Variants in TEAD1 observed in about 807,000 individuals in gnomAD.
TEAD1 encodes TEA domain transcription factor 1.
In TEAD1, 9 loss-of-function variants were observed where a neutral mutation model predicts 54.9. That is an observed-to-expected ratio of 0.16 (90% CI 0.10 to 0.29). The LOEUF (loss-of-function observed/expected upper bound fraction) is 0.29, where lower values mean the gene tolerates loss of function less well. Among genes scored for constraint, TEAD1 ranks in the 10% least tolerant of loss-of-function variants. TEAD1 has a pLI of 1.00. For synonymous variants in TEAD1, 200 were observed against 187.8 expected (o/e 1.07, Z -0.53); for missense variants, 387 against 535.9 (o/e 0.72, Z 2.74).
At chr11:12,906,609 G>C (rs1948527061) in intron 10 of TEAD1, among the ~76,000 whole-genome samples, 1 of 151,900 alleles carries the variant, frequency 6.6e-6, no homozygotes, top group South Asian at 2.1e-4. Context: ...TTACAGAGTT[G>C]CATAATCATA....
At chr11:12,778,918 C>T (rs1945488127) in intron 3 of TEAD1, among the ~76,000 whole-genome samples, 1 of 152,104 alleles carries the variant, frequency 6.6e-6, no homozygotes, top group Admixed American at 6.5e-5. Flanking sequence ...TTGCAAGACC[C>T]CACTCCCCTG....
intron 10 of TEAD1, 25 bp downstream of exon 10, chr11:12,902,138 C>T (rs777545902): frequency 2.5e-6 from 4 of 1,614,058 alleles, no homozygotes; most frequent in Non-Finnish European, 3.4e-6. Context: ...GCTGTGATTT[C>T]CGTGGTTTTT....
intron 3 of TEAD1, among the ~76,000 whole-genome samples, chr11:12,809,974 CTTTTTTTTTTT>C (rs55647097): frequency 2.2e-4 from 25 of 115,624 alleles, no homozygotes; most frequent in Admixed American, 3.7e-4. Context: ...TTTCCCCATT[CTTTTTTTTTTT>C]TTTTTTTTTT....
At chr11:12,907,394 G>T (rs1474664607) in intron 10 of TEAD1, among the ~76,000 whole-genome samples, 4 of 152,232 alleles carry the variant, frequency 2.6e-5, no homozygotes, top group African/African-American at 9.6e-5. Context: ...TCAGTCAACA[G>T]AGTAATGGGA....
chr11:12,720,695 A>T (rs1449394080), intron 2 of TEAD1, among the ~76,000 whole-genome samples: 1 of 152,226 alleles, frequency 6.6e-6, no homozygotes, highest in Non-Finnish European at 1.5e-5. Flanking sequence ...AATTGTAACC[A>T]GCAGAGCTCT....
chr11:12,864,983 C>A, intron 5 of TEAD1, 83 bp downstream of exon 5: 1 of 1,472,626 alleles, frequency 6.8e-7, no homozygotes, highest in Non-Finnish European at 9.5e-7. Flanking sequence ...ATGCCTGGTG[C>A]TGGGATTCTC....
intron 2 of TEAD1, among the ~76,000 whole-genome samples, chr11:12,700,802 A>G (rs1291973698): frequency 1.3e-5 from 2 of 152,202 alleles, no homozygotes; most frequent in African/African-American, 4.8e-5. Flanking sequence ...CCTTTAATGC[A>G]TCTGGTGCCA....
At chr11:12,807,085 C>T (rs528513775) in intron 3 of TEAD1, among the ~76,000 whole-genome samples, 79 of 152,314 alleles carry the variant, frequency 5.2e-4, no homozygotes, top group Non-Finnish European at 9.1e-4. Context: ...ACAGCACAGA[C>T]AAATATCTTA....
chr11:12,910,747 C>CTTTTTTTTTTTTTTTTT (rs5789752), intron 10 of TEAD1, among the ~76,000 whole-genome samples: 5 of 119,922 alleles, frequency 4.2e-5, no homozygotes, highest in African/African-American at 9.6e-5. Context: ...ACTTAATTTG[C>CTTTTTTTTTTTTTTTTT]TTTTTTTTTT....
At chr11:12,833,476 C>G (rs988946448) in intron 3 of TEAD1, among the ~76,000 whole-genome samples, 1 of 152,096 alleles carries the variant, frequency 6.6e-6, no homozygotes, top group Non-Finnish European at 1.5e-5. Flanking sequence ...AAAAGGAGAA[C>G]TATAAGTAGC....
At chr11:12,787,346 T>C (rs776878049) in intron 3 of TEAD1, among the ~76,000 whole-genome samples, 2 of 152,252 alleles carry the variant, frequency 1.3e-5, no homozygotes, top group Non-Finnish European at 2.9e-5. Flanking sequence ...GTTGCAGTTA[T>C]CTACCTCTTT....
intron 3 of TEAD1, among the ~76,000 whole-genome samples, chr11:12,783,192 C>T (rs1530184): frequency 0.043 from 4,260 of 99,460 alleles, 316 homozygotes; most frequent in African/African-American, 0.17. Context: ...GTTTTTGTGC[C>T]TTTTTTTTTT....
At chr11:12,771,285 C>T (rs1945306617) in intron 3 of TEAD1, among the ~76,000 whole-genome samples, 1 of 152,156 alleles carries the variant, frequency 6.6e-6, no homozygotes, top group Non-Finnish European at 1.5e-5. Flanking sequence ...AGACGGAAGC[C>T]ATTACATTTT....
At chr11:12,914,389 A>G (rs1181199101) in intron 10 of TEAD1, among the ~76,000 whole-genome samples, 3 of 152,186 alleles carry the variant, frequency 2.0e-5, no homozygotes, top group Non-Finnish European at 4.4e-5. Context: ...GTTTATTCCT[A>G]TTATTCTTAT....
chr11:12,903,284 A>G (rs1000958319), intron 10 of TEAD1, among the ~76,000 whole-genome samples: 2 of 152,178 alleles, frequency 1.3e-5, no homozygotes, highest in Non-Finnish European at 2.9e-5. Flanking sequence ...TCCTCGTTGC[A>G]TAATCCCTTG....
At chr11:12,759,959 C>T (rs1333631974) in intron 2 of TEAD1, among the ~76,000 whole-genome samples, 1 of 152,194 alleles carries the variant, frequency 6.6e-6, no homozygotes, top group African/African-American at 2.4e-5. Context: ...CCACACTGCC[C>T]ATAAGAATCT....
chr11:12,861,832 C>A (rs1947510016), intron 3 of TEAD1, among the ~76,000 whole-genome samples: 1 of 152,050 alleles, frequency 6.6e-6, no homozygotes, highest in Non-Finnish European at 1.5e-5. Flanking sequence ...ACTAAAAATA[C>A]AAAATTAGCT....
intron 3 of TEAD1, among the ~76,000 whole-genome samples, chr11:12,806,155 T>G (rs900506381): frequency 6.6e-6 from 1 of 152,232 alleles, no homozygotes; most frequent in Admixed American, 6.5e-5. Flanking sequence ...CACCTCCTAC[T>G]TTGACAAATT....
At chr11:12,719,967 T>G (rs1944153784) in intron 2 of TEAD1, among the ~76,000 whole-genome samples, 1 of 51,450 alleles carries the variant, frequency 1.9e-5, no homozygotes, top group Admixed American at 1.7e-4. Flanking sequence ...TTTTTTTTTT[T>G]TTTTTTTTTT....
Sources: gnomAD v4.1 joint callset for allele counts (sites outside exome capture counted in the v4.1 genomes callset) on GRCh38, gnomAD v4.1.1 for gene constraint, MANE v1.5 for transcripts, NCBI Gene and HGNC (gene_info 2026-07-23, HGNC 2026-07-21) for gene names.